QTGAL: variants seen among roughly 807,000 people sequenced by gnomAD.
QTGAL encodes queuosine-tRNA galactosyltransferase, also known as BGnT-like protein 1.
chr17:82,984,978 A>G, the QTGAL span, among the ~76,000 whole-genome samples: 1 of 152,140 alleles, frequency 6.6e-6, no homozygotes, highest in African/African-American at 2.4e-5. Context: ...AGAAGGGCCC[A>G]AGGCAACCTG....
chr17:82,988,455 T>C, the QTGAL span, among the ~76,000 whole-genome samples: 1 of 152,184 alleles, frequency 6.6e-6, no homozygotes, highest in African/African-American at 2.4e-5. Flanking sequence ...GGGAAAATAT[T>C]ACATGACAAA....
chr17:83,030,887 C>G, the QTGAL span: 1 of 152,246 alleles, frequency 6.6e-6, no homozygotes, highest in Non-Finnish European at 1.5e-5. Context: ...GGCAGAGGCT[C>G]TCCACCCTGG....
At chr17:83,048,988 T>G in the QTGAL span, 1 of 556,094 alleles carries the variant, frequency 1.8e-6, no homozygotes, top group Non-Finnish European at 3.2e-6. Flanking sequence ...TTTTTGAAAG[T>G]GAAAAAAAAA....
At chr17:82,998,246 A>G in the QTGAL span, among the ~76,000 whole-genome samples, 6 of 152,194 alleles carry the variant, frequency 3.9e-5, no homozygotes, top group Non-Finnish European at 8.8e-5. Context: ...ATACGTACTT[A>G]CTATGTACCC....
At chr17:82,973,052 C>A in the QTGAL span, among the ~76,000 whole-genome samples, 1 of 152,258 alleles carries the variant, frequency 6.6e-6, no homozygotes, top group Non-Finnish European at 1.5e-5. Flanking sequence ...CCTTCGTGTG[C>A]TCCCGCGGCT....
the QTGAL span, among the ~76,000 whole-genome samples, chr17:82,966,083 C>CTT: frequency 8.5e-5 from 12 of 141,134 alleles, no homozygotes; most frequent in African/African-American, 2.1e-4. Flanking sequence ...CTGATTTTTA[C>CTT]TTTTTTTTTT....
the QTGAL span, among the ~76,000 whole-genome samples, chr17:83,038,993 C>T: frequency 4.1e-5 from 4 of 97,042 alleles, 1 homozygote; most frequent in Non-Finnish European, 7.7e-5. Context: ...TTCAAACCAA[C>T]GAAAGATAAT....
chr17:83,027,556 G>A, the QTGAL span, among the ~76,000 whole-genome samples: 26 of 152,024 alleles, frequency 1.7e-4, no homozygotes, highest in South Asian at 4.6e-3. Flanking sequence ...ATGAAGAGGG[G>A]CCGGGCACGG....
At chr17:82,999,690 T>C in the QTGAL span, among the ~76,000 whole-genome samples, 1 of 152,254 alleles carries the variant, frequency 6.6e-6, no homozygotes, top group East Asian at 1.9e-4. Flanking sequence ...ACTGTATTTA[T>C]TGATACCCTA....
At chr17:82,957,482 C>A in the QTGAL span, 2 of 1,604,776 alleles carry the variant, frequency 1.2e-6, no homozygotes, top group Non-Finnish European at 8.5e-7. Flanking sequence ...CGCGGTGGGT[C>A]CAGATGGTCG....
At chr17:82,942,407 G>T in the QTGAL span, 1 of 1,613,908 alleles carries the variant, frequency 6.2e-7, no homozygotes, top group Non-Finnish European at 8.5e-7. Flanking sequence ...AATGGTGTGT[G>T]TTGGAGCTGA....
chr17:83,040,569 G>C, the QTGAL span, among the ~76,000 whole-genome samples: 2 of 152,248 alleles, frequency 1.3e-5, no homozygotes, highest in East Asian at 3.9e-4. Context: ...AATACTTTGA[G>C]AAACAATACC....
the QTGAL span, among the ~76,000 whole-genome samples, chr17:83,012,521 A>G: frequency 5.9e-5 from 9 of 152,214 alleles, no homozygotes; most frequent in Non-Finnish European, 1.5e-5. Flanking sequence ...GGCACCTCAC[A>G]TACGGACGGC....
chr17:83,036,556 T>G, the QTGAL span, among the ~76,000 whole-genome samples: 2 of 152,194 alleles, frequency 1.3e-5, no homozygotes, highest in Non-Finnish European at 2.9e-5. Context: ...ACATCACAAC[T>G]GAGCTGGAAA....
the QTGAL span, among the ~76,000 whole-genome samples, chr17:83,044,357 C>G: frequency 6.6e-6 from 1 of 152,294 alleles, no homozygotes; most frequent in African/African-American, 2.4e-5. Context: ...ACGTAACATA[C>G]CATCTTAACA....
At chr17:82,969,072 T>G in the QTGAL span, among the ~76,000 whole-genome samples, 1 of 150,552 alleles carries the variant, frequency 6.6e-6, no homozygotes, top group Non-Finnish European at 1.5e-5. Flanking sequence ...AGGCGGAGGT[T>G]GCAGTGAGCC....
At chr17:82,945,504 G>A in the QTGAL span, 1 of 152,200 alleles carries the variant, frequency 6.6e-6, no homozygotes, top group Non-Finnish European at 1.5e-5. Flanking sequence ...GTAGACCAAG[G>A]TCTTCATTAT....
At chr17:83,018,585 T>C in the QTGAL span, among the ~76,000 whole-genome samples, 1 of 152,224 alleles carries the variant, frequency 6.6e-6, no homozygotes, top group African/African-American at 2.4e-5. Flanking sequence ...CAAAGTCTCG[T>C]AGCAATTACA....
the QTGAL span, chr17:83,014,378 G>A: frequency 2.6e-6 from 4 of 1,510,314 alleles, no homozygotes; most frequent in South Asian, 3.5e-5. Flanking sequence ...CCACCCCTAG[G>A]AAAACTCTTT....
Sources: gnomAD v4.1 joint callset for allele counts (sites outside exome capture counted in the v4.1 genomes callset) on GRCh38, gnomAD v4.1.1 for gene constraint, MANE v1.5 for transcripts, NCBI Gene and HGNC (gene_info 2026-07-23, HGNC 2026-07-21) for gene names.